Variants in FASTKD2 observed in about 807,000 individuals in gnomAD.
FASTKD2 encodes FAST kinase domains 2.
FASTKD2 carries 51 observed loss-of-function variants against 63.6 expected under a neutral mutation model. The ratio of observed to expected loss-of-function variants is 0.80; its 90% confidence interval spans 0.64 to 1.01. FASTKD2 has a LOEUF of 1.01. Ranked by LOEUF, FASTKD2 falls within the 50% of genes least tolerant of loss-of-function variation. The probability of loss-of-function intolerance (pLI) is 0.00; values close to 1 mark genes in which losing one functional copy is unlikely to be tolerated. For synonymous variants in FASTKD2, 284 were observed against 293.4 expected, an observed-to-expected ratio of 0.97 and a Z score of 0.33; for missense variants, 786 against 831.1, an observed-to-expected ratio of 0.95 and a Z score of 0.67.
At position 206,767,107 on chromosome 2, in the gene FASTKD2, A is replaced by C; in HGVS notation, c.414A>C (p.Glu138Asp). The stretch of plus-strand genomic sequence containing the variant: ...TGAAGAAAGTAAACCTTAATCATGA[A>C]GTCTCCAATGAAGATGTTCTTACCA... ...DELKKVNLNH[E>D]VSNEDVLTKE... Residue 138 changes from glutamate (E) to aspartate (D), a missense_variant, in exon 2 of 12, where the codon GAA becomes GAC. Physicochemically the swap from Glu to Asp is conservative, Grantham distance 45 (BLOSUM62 2). Transcript: ENST00000402774. 6.2e-7 allele frequency: 1 copy of C among 1,614,094 alleles called. No individual in the cohort carries two copies. Among genetic ancestry groups the C allele is most frequent in the Non-Finnish European group, 8.5e-7 (1 of 1,179,934 alleles).
chr2:206,766,259 CAAAAAAAAAA>C (rs60933510), intron 1 of FASTKD2, among the ~76,000 whole-genome samples: 20 of 55,960 alleles, frequency 3.6e-4, no homozygotes, highest in East Asian at 2.6e-3. Context: ...GACTTTGTCT[CAAAAAAAAAA>C]AAAAAAAAAA....
In FASTKD2 at chr2:206,766,977, T is replaced by TA; in HGVS notation, c.286dup (p.Ser96LysfsTer7). ...GATGTTGGCTTTCAAACAAAGGGCA[T>TA]AAGCACTCTAACAGCCCTTAGAATT... On this transcript the variant is annotated frameshift_variant, in exon 2 of 12. Coordinates refer to ENST00000402774, the MANE Select transcript of FASTKD2 (RefSeq NM_001136193.2). LOFTEE classifies it high-confidence loss of function. 1.2e-6 allele frequency: 2 copies of TA among 1,612,390 alleles called. No homozygotes were observed. The highest frequency in any genetic ancestry group is 1.7e-6 in the Non-Finnish European group (2 of 1,178,616).
At chr2:206,768,027 C>T (rs1689572254) in intron 2 of FASTKD2, among the ~76,000 whole-genome samples, 1 of 152,036 alleles carries the variant, frequency 6.6e-6, no homozygotes, top group Non-Finnish European at 1.5e-5. Context: ...TTGTACATGG[C>T]GATCAAAGGA....
intron 7 of FASTKD2, among the ~76,000 whole-genome samples, chr2:206,776,215 T>C (rs553713193): frequency 2.6e-5 from 4 of 151,848 alleles, no homozygotes; most frequent in East Asian, 3.9e-4. Context: ...TATAAACTTA[T>C]AGCAATAAGC....
chr2:206,768,879 G>A (rs2105971891), intron 2 of FASTKD2, among the ~76,000 whole-genome samples: 1 of 152,236 alleles, frequency 6.6e-6, no homozygotes, highest in East Asian at 1.9e-4. Flanking sequence ...TAGTGTATGT[G>A]TGTGTATTTG....
intron 2 of FASTKD2, among the ~76,000 whole-genome samples, chr2:206,769,141 G>A (rs73070042): frequency 2.6e-5 from 4 of 152,224 alleles, no homozygotes; most frequent in Non-Finnish European, 5.9e-5. Flanking sequence ...GAGGTGAAAG[G>A]ACAGTGTGCC....
At chr2:206,781,639 G>A (rs1689981987) in intron 7 of FASTKD2, among the ~76,000 whole-genome samples, 1 of 149,796 alleles carries the variant, frequency 6.7e-6, no homozygotes, top group South Asian at 2.1e-4. Flanking sequence ...GGATTTCTAA[G>A]TAGAGGGATT....
intron 11 of FASTKD2, chr2:206,791,468 A>G: frequency 1.8e-6 from 1 of 550,870 alleles, no homozygotes; most frequent in East Asian, 3.1e-5. Flanking sequence ...CACCATTTAG[A>G]GGACCTTTAA....
chr2:206,777,100 T>C (rs898316879), intron 7 of FASTKD2, among the ~76,000 whole-genome samples: 1 of 152,136 alleles, frequency 6.6e-6, no homozygotes, highest in Non-Finnish European at 1.5e-5. Context: ...TAGTTTGTTA[T>C]AAGTGTATAG....
intron 7 of FASTKD2, 147 bp from the exon 8 acceptor site, chr2:206,786,586 A>G (rs1690143185): frequency 1.3e-6 from 1 of 752,612 alleles, no homozygotes; most frequent in African/African-American, 1.7e-5. Flanking sequence ...TATTGAATGT[A>G]TACACTTATT....
In FASTKD2 at chr2:206,793,733, TG is replaced by T. The variant is rs1390710914; in HGVS notation, c.*1933del. 1.3e-5 allele frequency among the ~76,000 whole-genome samples: 2 copies of T among 152,196 alleles called. No individual in the cohort carries two copies. The highest frequency in any genetic ancestry group is 2.4e-5 in the African/African-American group (1 of 41,470). On this transcript the variant is annotated 3_prime_UTR_variant, in exon 12 of 12. Transcript: ENST00000402774. ...AATTTTCAGTTTGTACTAGTTAACC[TG>T]GCAGATAAAAAGGCATCCCTCTTTT...
chr2:206,789,061 AGT>A (rs1690213924), intron 10 of FASTKD2, 158 bp downstream of exon 10: 3 of 649,586 alleles, frequency 4.6e-6, no homozygotes, highest in Non-Finnish European at 8.3e-6. Context: ...CTCCTTAGAA[AGT>A]GTAAATGTGG....
rs187565028 is a variant in FASTKD2, at chr2:206,774,931, A to G, written c.1427+534A>G. ...TTTCCCCCTTTCCTCACCCCTGACAATCAACATTGTAATCTCTGTTTCTAT... is the reference window on the plus strand; with the variant it reads ...TTTCCCCCTTTCCTCACCCCTGACAGTCAACATTGTAATCTCTGTTTCTAT... On this transcript the variant is annotated intron_variant, in intron 7 of 11. Coordinates refer to ENST00000402774, the MANE Select transcript of FASTKD2 (RefSeq NM_001136193.2). 2.5e-4 allele frequency among the ~76,000 whole-genome samples: 38 copies of G among 152,002 alleles called. 1 individual carries two copies. The East Asian group carries it at 7.0e-3, about 28-fold the overall frequency.
chr2:206,770,626 A>T lies in FASTKD2; in HGVS notation c.881+432A>T, dbSNP rs1047087017. Among the ~76,000 whole-genome samples, 8 of 150,790 alleles carry T rather than the reference A, an allele frequency of 5.3e-5. No homozygotes were observed. In the East Asian group the frequency reaches 1.4e-3, roughly 26 times the overall value. ...GTGCCTGTAGTCCCAGCTGCTTGGG[A>T]GGCTGAGGCAGGAGAATGGCGTGAA... On this transcript the variant is annotated intron_variant, in intron 3 of 11. Transcript: ENST00000402774.
chr2:206,794,513 C>CTGA lies in FASTKD2; in HGVS notation c.*2713_*2715dup, dbSNP rs1226736269. Among the ~76,000 whole-genome samples, 1 of 152,104 alleles carries CTGA rather than the reference C, an allele frequency of 6.6e-6. No homozygotes were observed. Among genetic ancestry groups the CTGA allele is most frequent in the African/African-American group, 2.4e-5 (1 of 41,416 alleles). On this transcript the variant is annotated 3_prime_UTR_variant, in exon 12 of 12. Coordinates refer to ENST00000402774, the MANE Select transcript of FASTKD2 (RefSeq NM_001136193.2). ...GCCTCAGCTTCTCAAGTAGATAGGA[C>CTGA]TGATTATAGGTACAGGCTACTGTGC...
chr2:206,779,979 C>G (rs1401775329), intron 7 of FASTKD2, among the ~76,000 whole-genome samples: 1 of 152,134 alleles, frequency 6.6e-6, no homozygotes, highest in East Asian at 1.9e-4. Flanking sequence ...CTATTTTAAG[C>G]TGAAAACAAC....
rs1027349025 is a variant in FASTKD2, at chr2:206,795,765, T to C, written c.*3963T>C. Among the ~76,000 whole-genome samples, 3 of 152,302 alleles carry C rather than the reference T, an allele frequency of 2.0e-5. No homozygotes were observed. The highest frequency in any genetic ancestry group is 3.4e-3 in the Middle Eastern group (1 of 294). On this transcript the variant is annotated 3_prime_UTR_variant, in exon 12 of 12. Transcript: ENST00000402774. The stretch of plus-strand genomic sequence containing the variant: ...AAACAGCCACAGAGCATTTTATTTT[T>C]CTAGAAGAGCAATAACAGAGACCCC...
chr2:206,767,722 A>G (rs758968519), intron 2 of FASTKD2, among the ~76,000 whole-genome samples: 3 of 152,198 alleles, frequency 2.0e-5, no homozygotes, highest in African/African-American at 4.8e-5. Context: ...TGAAGAAGCT[A>G]AAGTGAGGAG....
At chr2:206,779,606 C>G (rs1324253917) in intron 7 of FASTKD2, among the ~76,000 whole-genome samples, 1 of 152,164 alleles carries the variant, frequency 6.6e-6, no homozygotes, top group Non-Finnish European at 1.5e-5. Context: ...ATTACGAGAA[C>G]AGCATGGGGG....
Sources: allele counts gnomAD v4.1 joint callset (sites outside exome capture counted in the v4.1 genomes callset), GRCh38; gene constraint gnomAD v4.1.1; transcripts MANE v1.5; gene names NCBI Gene and HGNC (gene_info 2026-07-23, HGNC 2026-07-21).